Variants in DNAH7 observed in about 807,000 individuals in gnomAD.
DNAH7 encodes the protein dynein axonemal heavy chain 7.
In DNAH7, 397 loss-of-function variants were observed where a neutral mutation model predicts 444.6. The observed-to-expected ratio is 0.89, with a 90% confidence interval of 0.82 to 0.97. The LOEUF is 0.97. Ranked by LOEUF, DNAH7 falls within the 50% of genes least tolerant of loss-of-function variation. The pLI, the probability that DNAH7 is intolerant of heterozygous loss-of-function variation, is 0.00. For synonymous variants in DNAH7, 1,636 were observed against 1,624.4 expected (o/e 1.01, Z -0.17); for missense variants, 4,902 against 4,800.8 (o/e 1.02, Z -0.62).
chr2:195,783,905 C>T (rs774804683), intron 58 of DNAH7, among the ~76,000 whole-genome samples: 3 of 152,062 alleles, frequency 2.0e-5, no homozygotes, highest in Non-Finnish European at 2.9e-5. Flanking sequence ...AATTTTTTCA[C>T]TGATTTGTAC....
intron 49 of DNAH7, among the ~76,000 whole-genome samples, chr2:195,818,952 T>C (rs1205893924): frequency 6.6e-6 from 1 of 152,172 alleles, no homozygotes; most frequent in Non-Finnish European, 1.5e-5. Context: ...TATGGATACA[T>C]AACAGTTGTA....
intron 19 of DNAH7, among the ~76,000 whole-genome samples, chr2:195,940,916 T>A (rs889614278): frequency 6.6e-6 from 1 of 152,156 alleles, no homozygotes; most frequent in African/African-American, 2.4e-5. Context: ...GCTTTTACAC[T>A]GTTGGTGGGA....
intron 63 of DNAH7, among the ~76,000 whole-genome samples, chr2:195,751,467 G>T (rs754100836): frequency 3.7e-4 from 56 of 152,204 alleles, no homozygotes; most frequent in Non-Finnish European, 7.1e-4. Flanking sequence ...AAAGAATGGT[G>T]CAGACAAACA....
intron 61 of DNAH7, among the ~76,000 whole-genome samples, chr2:195,757,300 A>G (rs1169338109): frequency 6.6e-6 from 1 of 152,240 alleles, no homozygotes; most frequent in Non-Finnish European, 1.5e-5. Context: ...GAAAAATTAC[A>G]TAAAATGCTT....
At chr2:196,010,786 G>A (rs72917265) in intron 10 of DNAH7, among the ~76,000 whole-genome samples, 8,991 of 152,160 alleles carry the variant, frequency 0.059, 378 homozygotes, top group Middle Eastern at 0.092. Context: ...TATATAAAAT[G>A]TAGTTTATAT....
At chr2:195,970,290 C>G (rs996457792) in intron 16 of DNAH7, among the ~76,000 whole-genome samples, 196 bp from the exon 17 acceptor site, 1 of 152,088 alleles carries the variant, frequency 6.6e-6, no homozygotes, top group African/African-American at 2.4e-5. Flanking sequence ...TTAGATTCCT[C>G]TAACTCACAG....
chr2:195,981,080 T>C (rs950468774), intron 15 of DNAH7, among the ~76,000 whole-genome samples: 3 of 152,116 alleles, frequency 2.0e-5, no homozygotes, highest in Non-Finnish European at 4.4e-5. Flanking sequence ...TAATATATTA[T>C]ATTTGAAAAA....
At chr2:195,755,151 C>A (rs1015900181) in intron 62 of DNAH7, among the ~76,000 whole-genome samples, 1 of 152,190 alleles carries the variant, frequency 6.6e-6, no homozygotes, top group African/African-American at 2.4e-5. Flanking sequence ...CCCATAAAGT[C>A]TGGTCAGATG....
intron 12 of DNAH7, chr2:195,995,282 CCTTCT>C: frequency 2.2e-6 from 1 of 465,038 alleles, no homozygotes; most frequent in South Asian, 1.7e-5. Context: ...TATCATAAGT[CCTTCT>C]CTTTTGTACT....
rs1184717612 is a variant in DNAH7, at chr2:195,972,237, C to A, written c.2058+5G>T. ...AAATGAAAATAAAATATCTAAGATG[C>A]CAACCTTCAGACCTTCTTGATATTG... On this transcript the variant is annotated splice_donor_5th_base_variant and intron_variant, in intron 16 of 64. Transcript: ENST00000312428. 3 of 1,602,330 alleles carry A rather than the reference C, an allele frequency of 1.9e-6. No individual in the cohort carries two copies. Among genetic ancestry groups the A allele is most frequent in the Non-Finnish European group, 1.7e-6 (2 of 1,172,276 alleles).
intron 19 of DNAH7, among the ~76,000 whole-genome samples, chr2:195,946,597 T>C (rs1689823587): frequency 6.6e-6 from 1 of 152,212 alleles, no homozygotes; most frequent in Non-Finnish European, 1.5e-5. Flanking sequence ...AATTACCTTA[T>C]GACCACTGAC....
chr2:195,936,823 A>C (rs775268712), intron 19 of DNAH7, 31 bp from the exon 20 acceptor site: 1 of 1,416,956 alleles, frequency 7.1e-7, no homozygotes, highest in East Asian at 2.5e-5. Flanking sequence ...CACTCAATTC[A>C]AAAATATTAG....
chr2:195,845,050 G>A lies in DNAH7; in HGVS notation c.8897C>T (p.Ala2966Val). 1 of 1,613,818 alleles carries A rather than the reference G, an allele frequency of 6.2e-7. No individual in the cohort carries two copies. The highest frequency in any genetic ancestry group is 8.5e-7 in the Non-Finnish European group (1 of 1,179,882). ...GGAAAATGAGTCAGAAGGTAATCCAGCAATATTCCAAGTTCGAATTGTCAC... is the reference window on the plus strand; with the variant it reads ...GGAAAATGAGTCAGAAGGTAATCCAACAATATTCCAAGTTCGAATTGTCAC... ...EAVTIRTWNI[A>V]GLPSDSFSID... Residue 2966 changes from alanine (A) to valine (V), a missense_variant, in exon 47 of 65, where the codon GCT becomes GTT. Coordinates refer to ENST00000312428, the MANE Select transcript of DNAH7 (RefSeq NM_018897.3).
In DNAH7 at chr2:195,850,444, G is replaced by A. The variant is rs981487792; in HGVS notation, c.8781+2899C>T. Among the ~76,000 whole-genome samples the A allele has an allele frequency of 9.2e-5, 14 of 152,156 alleles. No individual in the cohort carries two copies. In the East Asian group the frequency reaches 9.6e-4, roughly 10 times the overall value. On this transcript the variant is annotated intron_variant, in intron 46 of 64. Transcript: ENST00000312428. Reference sequence around the variant, plus strand: ...GAAGGTTCAAATTAATTCAAATCCAGGGCTTGTATATTCATAATAGCACTG... The same window carrying A: ...GAAGGTTCAAATTAATTCAAATCCAAGGCTTGTATATTCATAATAGCACTG...
intron 47 of DNAH7, among the ~76,000 whole-genome samples, chr2:195,837,191 A>G (rs1056067708): frequency 2.6e-5 from 4 of 152,190 alleles, no homozygotes; most frequent in African/African-American, 4.8e-5. Flanking sequence ...CAATCTACTG[A>G]TATTGAAACA....
intron 18 of DNAH7, among the ~76,000 whole-genome samples, chr2:195,958,348 T>G (rs1690841207): frequency 6.6e-6 from 1 of 152,210 alleles, no homozygotes; most frequent in Non-Finnish European, 1.5e-5. Flanking sequence ...AACATTTTCT[T>G]TTCTCCAGCC....
At chr2:195,897,491 T>C (rs1405602545) in intron 29 of DNAH7, among the ~76,000 whole-genome samples, 176 bp downstream of exon 29, 2 of 152,186 alleles carry the variant, frequency 1.3e-5, no homozygotes, top group East Asian at 3.8e-4. Context: ...TCCCAAGTTG[T>C]TGAAAGTTCT....
chr2:195,858,997 G>C (rs1056133117), intron 42 of DNAH7, among the ~76,000 whole-genome samples, 193 bp from the exon 43 acceptor site: 8 of 152,160 alleles, frequency 5.3e-5, no homozygotes, highest in African/African-American at 1.9e-4. Flanking sequence ...ATTAAGAGCA[G>C]ACAGCGTGTT....
Position 195,754,425 on chromosome 2 carries a change from G to A in DNAH7, c.11676C>T (p.Tyr3892=), listed in dbSNP as rs750575502. Residue 3892 remains tyrosine, a synonymous_variant, in exon 63 of 65, where the codon TAC becomes TAT. Transcript: ENST00000312428. ...CAATAGGAATTGTGTATTTCCTGGC[G>A]TAGTTCTGCTGGGCACCGGTCAGGA... is the stretch of plus-strand genomic sequence containing the variant. The part of the protein sequence containing the change: ...QAFLTGAQQN[Y]ARKYTIPIDL... 1.4e-4 allele frequency: 219 copies of A among 1,613,942 alleles called. No individual in the cohort carries two copies. Among genetic ancestry groups the A allele is most frequent in the South Asian group, 1.4e-4 (13 of 91,078 alleles).
Sources: allele counts gnomAD v4.1 joint callset (sites outside exome capture counted in the v4.1 genomes callset), GRCh38; gene constraint gnomAD v4.1.1; transcripts MANE v1.5; gene names NCBI Gene and HGNC (gene_info 2026-07-23, HGNC 2026-07-21).